CASZ1: variants seen among roughly 807,000 people sequenced by gnomAD.
CASZ1 encodes castor zinc finger 1.
In CASZ1, 28 loss-of-function variants were observed where a neutral mutation model predicts 135.2. The observed-to-expected ratio is 0.21, with a 90% CI of 0.15 to 0.28. CASZ1 has a LOEUF of 0.28. CASZ1 is among the 10% of genes least tolerant of loss of function. The pLI, the probability that CASZ1 is intolerant of heterozygous loss-of-function variation, is 1.00. For synonymous variants in CASZ1, 1,068 were observed against 1,073.4 expected, an observed-to-expected ratio of 0.99 and a Z score of 0.10; for missense variants, 2,161 against 2,453.3, an observed-to-expected ratio of 0.88 and a Z score of 2.52.
At position 10,649,139 on chromosome 1, in the gene CASZ1, T is replaced by C. The variant is rs1261948838; in HGVS notation, c.3089A>G (p.His1030Arg). The C allele has an allele frequency of 1.9e-6, 3 of 1,613,752 alleles. No individual in the cohort carries two copies. The highest frequency in any genetic ancestry group is 1.7e-5 in the Admixed American group (1 of 60,022). ...DGQCDFLHKAHFHCVVEECGA... is the reference protein window; with the variant it reads ...DGQCDFLHKARFHCVVEECGA... Reference sequence around the variant, plus strand: ...GCATTCCTCCACCACGCAGTGGAAGTGGGCCTTGTGGAGGAAGTCACACTG... The same window carrying C: ...GCATTCCTCCACCACGCAGTGGAAGCGGGCCTTGTGGAGGAAGTCACACTG... The change falls in exon 15 of 21, where the codon CAC (histidine) becomes CGC (arginine). Residue 1030 changes from histidine (H) to arginine (R), a missense_variant. Physicochemically the swap from His to Arg is conservative, Grantham distance 29. This residue lies in a region of CASZ1 where 349 missense variants were observed against 460.8 expected (regional missense o/e 0.76). Coordinates refer to ENST00000377022, the MANE Select transcript of CASZ1 (RefSeq NM_001079843.3).
Position 10,704,397 on chromosome 1 carries a change from C to T in CASZ1, c.-24+1095G>A, listed in dbSNP as rs114385980. 8.4e-3 allele frequency: 1,283 copies of T among 152,482 alleles called. 9 individuals are homozygous for T. Among genetic ancestry groups the T allele is most frequent in the Non-Finnish European group, 0.014 (940 of 68,182 alleles). 9.4% of individuals were successfully genotyped at this position (152,482 alleles called of 1,614,324 possible). On this transcript the variant is annotated intron_variant, in intron 3 of 20. Transcript: ENST00000377022. ...GCGGCAAAGGGAGGAATCCACCGGC[C>T]CCAGCGAGAGTGCAGGGCGCGGGCC...
rs367590246 is a variant in CASZ1, at chr1:10,660,061, G to C, written c.981C>G (p.Pro327=). 3 of 1,614,054 alleles carry C rather than the reference G, an allele frequency of 1.9e-6. No individual in the cohort carries two copies. In the African/African-American group the frequency reaches 4.0e-5, roughly 22 times the overall value. Residue 327 remains proline, a synonymous_variant, in exon 6 of 21, where the codon CCC becomes CCG. Transcript: ENST00000377022. ...QKLKTGENLR[P]QNGSTYKKPS... ...GCTTCTTGTAGGTGCTCCCGTTCTG[G>C]GGCCGCAGATTCTCGCCGGTCTTCA...
chr1:10,665,579 G>C lies in CASZ1; in HGVS notation c.17-8C>G. Reference sequence around the variant, plus strand: ...TGCACCGGGTGCCCTCAGCTGCAGGGATGGAGGAGAGCACGGAGGTCAGAG... The same window carrying C: ...TGCACCGGGTGCCCTCAGCTGCAGGCATGGAGGAGAGCACGGAGGTCAGAG... On this transcript the variant is annotated splice_region_variant and splice_polypyrimidine_tract_variant and intron_variant, in intron 4 of 20. Transcript: ENST00000377022. 1.9e-6 allele frequency: 3 copies of C among 1,548,024 alleles called. No homozygotes were observed. Among genetic ancestry groups the C allele is most frequent in the Non-Finnish European group, 2.6e-6 (3 of 1,152,502 alleles).
intron 2 of CASZ1, among the ~76,000 whole-genome samples, chr1:10,748,613 T>A (rs1282683801): frequency 1.3e-5 from 2 of 152,062 alleles, no homozygotes; most frequent in African/African-American, 4.8e-5. Context: ...CTCTCCATGG[T>A]ACCTCTTTCT....
chr1:10,767,098 G>T lies in CASZ1; in HGVS notation c.-233-6241C>A, dbSNP rs906196696. On this transcript the variant is annotated intron_variant, in intron 1 of 20. Transcript: ENST00000377022. This position sits in a 1 kb window ranked among gnomAD's most constrained non-coding sequence, Gnocchi z 4.2. ...TCCTCTGCGCCCGTTGACTGCTGAT[G>T]GAAGGAACGAGGAGTGGGGAAAAGA... Among the ~76,000 whole-genome samples, 1 of 152,216 alleles carries T rather than the reference G, an allele frequency of 6.6e-6. No individual in the cohort carries two copies. The highest frequency in any genetic ancestry group is 6.5e-5 in the Admixed American group (1 of 15,280).
intron 1 of CASZ1, among the ~76,000 whole-genome samples, chr1:10,782,013 C>G (rs955368357): frequency 7.2e-5 from 11 of 152,238 alleles, no homozygotes; most frequent in African/African-American, 2.7e-4. Context: ...GCCTCCCTGG[C>G]CACTGGGGGC....
chr1:10,648,480 T>A, intron 15 of CASZ1: 1 of 273,454 alleles, frequency 3.7e-6, no homozygotes, highest in Non-Finnish European at 6.9e-6. Context: ...GGTAGGATTC[T>A]CAGTATTCAC....
chr1:10,655,453 C>T (rs1234268261), intron 9 of CASZ1, among the ~76,000 whole-genome samples, 196 bp downstream of exon 9: 6 of 152,262 alleles, frequency 3.9e-5, no homozygotes, highest in Admixed American at 6.5e-5. Context: ...GCCCACCAGA[C>T]GCTGCCCAAG....
rs896747155 is a variant in CASZ1 at position 10,726,961 on chromosome 1, C to A, written c.-76-21417G>T. On this transcript the variant is annotated intron_variant, in intron 2 of 20. Transcript: ENST00000377022. This position sits in a 1 kb window ranked among gnomAD's most constrained non-coding sequence, Gnocchi z 5.7. ...CCATGTGGGGCTTCCTGGCCAGTTTCTCTATCACGAAAGCCAGGACGGAGG... is the reference window on the plus strand; with the variant it reads ...CCATGTGGGGCTTCCTGGCCAGTTTATCTATCACGAAAGCCAGGACGGAGG... Among the ~76,000 whole-genome samples, 6 of 152,176 alleles carry A rather than the reference C, an allele frequency of 3.9e-5. No individual in the cohort carries two copies. The highest frequency in any genetic ancestry group is 1.4e-4 in the African/African-American group (6 of 41,426).
In CASZ1 at chr1:10,653,754, G is replaced by T. The variant is rs1430722964; in HGVS notation, c.2303C>A (p.Pro768His). The change falls in exon 11 of 21, where the codon CCC becomes CAC. Residue 768 changes from proline to histidine, a missense_variant. Around this residue, in one of 7 missense-constraint regions of CASZ1, gnomAD observed 406 missense variants for 387.6 expected, o/e 1.05. Coordinates refer to ENST00000377022, the MANE Select transcript of CASZ1 (RefSeq NM_001079843.3). ...TEAGPSATKP[P>H]NSKISGLLPQ... is the part of the protein sequence containing the mutation. The stretch of plus-strand genomic sequence containing the variant: ...CAGCAGCCCCGAGATCTTGCTGTTG[G>T]GAGGTTTGGTGGCACTGGGCCCAGC... 1 of 1,610,768 alleles carries T rather than the reference G, an allele frequency of 6.2e-7. No individual in the cohort carries two copies. The highest frequency in any genetic ancestry group is 8.5e-7 in the Non-Finnish European group (1 of 1,178,370).
rs1640891124 is a variant in CASZ1 at position 10,788,099 on chromosome 1, C to CGGGGATGTTCTGGAT, written c.-234+8464_-234+8465insATCCAGAACATCCCC. 6.6e-6 allele frequency among the ~76,000 whole-genome samples: 1 copy of CGGGGATGTTCTGGAT among 152,176 alleles called. No homozygotes were observed. The highest frequency in any genetic ancestry group is 6.5e-5 in the Admixed American group (1 of 15,278). ...AATCCCAGAGAACGTTAGCTGGATA[C>CGGGGATGTTCTGGAT]GGGGATGTTCTCATCCAGAACATCC... is the stretch of plus-strand genomic sequence containing the variant. On this transcript the variant is annotated intron_variant, in intron 1 of 20. Coordinates refer to ENST00000377022, the MANE Select transcript of CASZ1 (RefSeq NM_001079843.3). The surrounding 1 kb of genome is among the most constrained non-coding windows in gnomAD (Gnocchi z 4.1).
chr1:10,770,183 C>A (rs1640550091), intron 1 of CASZ1, among the ~76,000 whole-genome samples: 1 of 152,142 alleles, frequency 6.6e-6, no homozygotes, highest in African/African-American at 2.4e-5. Context: ...CTCCTGGGCT[C>A]AAGCCATACT....
At chr1:10,703,715 C>T (rs897498978) in intron 3 of CASZ1, among the ~76,000 whole-genome samples, 2 of 152,084 alleles carry the variant, frequency 1.3e-5, no homozygotes, top group African/African-American at 2.4e-5. Flanking sequence ...ACCTCTCGAG[C>T]GGGGGCCGGA....
Position 10,642,962 on chromosome 1 carries a change from G to A in CASZ1, c.4059C>T (p.Cys1353=). ...CTGGGCTGCAGCCAGTGTAGTCCATGCACTCATCTGTCTCAGCATCCATCA... is the reference window on the plus strand; with the variant it reads ...CTGGGCTGCAGCCAGTGTAGTCCATACACTCATCTGTCTCAGCATCCATCA... ...PGLMDAETDE[C]MDYTGCSPGA... is the part of the protein sequence containing the mutation. The change falls in exon 20 of 21, where the codon TGC becomes TGT. Residue 1353 remains cysteine (C), a synonymous_variant. Transcript: ENST00000377022. The A allele has an allele frequency of 6.2e-7, 1 of 1,613,116 alleles. No homozygotes were observed. The highest frequency in any genetic ancestry group is 8.5e-7 in the Non-Finnish European group (1 of 1,179,980).
chr1:10,691,246 T>C (rs536128817), intron 4 of CASZ1, among the ~76,000 whole-genome samples: 1 of 152,328 alleles, frequency 6.6e-6, no homozygotes, highest in South Asian at 2.1e-4. Context: ...TTTGCTGTCA[T>C]CTCGGGGCCT....
chr1:10,795,717 G>T (rs1641054673), intron 1 of CASZ1, among the ~76,000 whole-genome samples: 1 of 152,228 alleles, frequency 6.6e-6, no homozygotes, highest in Non-Finnish European at 1.5e-5. Flanking sequence ...AGGGGGTGGG[G>T]TGGGGAAGGG....
intron 6 of CASZ1, among the ~76,000 whole-genome samples, 187 bp downstream of exon 6, chr1:10,659,515 G>A (rs752654552): frequency 8.5e-5 from 13 of 152,226 alleles, no homozygotes; most frequent in Non-Finnish European, 1.3e-4. Context: ...TGAGTGCGGC[G>A]CGCACCTGTG....
At chr1:10,667,749 A>G (rs1216588771) in intron 4 of CASZ1, among the ~76,000 whole-genome samples, 1 of 152,178 alleles carries the variant, frequency 6.6e-6, no homozygotes, top group East Asian at 1.9e-4. Flanking sequence ...ATCCTAAGGA[A>G]GAGGGAAGCA....
intron 2 of CASZ1, among the ~76,000 whole-genome samples, chr1:10,731,334 G>A (rs1639699283): frequency 2.0e-5 from 3 of 152,282 alleles, no homozygotes; most frequent in South Asian, 2.1e-4. Context: ...TGTAATCTCA[G>A]CACTTTGGGA....
Sources: allele counts gnomAD v4.1 joint callset (sites outside exome capture counted in the v4.1 genomes callset), GRCh38; gene constraint gnomAD v4.1.1; regional missense constraint gnomAD v4.1.1; non-coding constraint Gnocchi (gnomAD v3.1); transcripts MANE v1.5; gene names NCBI Gene and HGNC (gene_info 2026-07-23, HGNC 2026-07-21).